The following NSUN7 variants were observed in gnomAD, a reference collection of about 807,000 sequenced individuals.
The protein encoded by NSUN7 is protein NSUN7.
Under a neutral mutation model 58.5 loss-of-function variants are expected in NSUN7, and 39 were observed. The observed-to-expected ratio is 0.67, with a 90% CI of 0.52 to 0.87. The LOEUF is 0.87. Ranked by LOEUF, NSUN7 falls within the 40% of genes least tolerant of loss-of-function variation. NSUN7 has a pLI of 0.00. For synonymous variants in NSUN7, 278 were observed against 303.7 expected (o/e 0.92, Z 0.88); for missense variants, 765 against 844.1 (o/e 0.91, Z 1.16).
At chr4:40,777,484 C>T (rs545075397) in intron 7 of NSUN7, among the ~76,000 whole-genome samples, 13 of 152,216 alleles carry the variant, frequency 8.5e-5, no homozygotes, top group African/African-American at 2.2e-4. Context: ...CAGGTACTCG[C>T]CAACATGCCC....
rs114884028 is a variant in NSUN7, at chr4:40,769,376, G to A, written c.489-4889G>A. Reference sequence around the variant, plus strand: ...AACTGGCCAAAATATATCATAGGACGTAAAGGTTTTGGACATTAGACAAGA... The same window carrying A: ...AACTGGCCAAAATATATCATAGGACATAAAGGTTTTGGACATTAGACAAGA... On this transcript the variant is annotated intron_variant, in intron 4 of 11. Transcript: ENST00000381782. Among the ~76,000 whole-genome samples, 996 of 152,330 alleles carry A rather than the reference G, an allele frequency of 6.5e-3. 4 individuals carry two copies. The highest frequency in any genetic ancestry group is 0.01 in the Non-Finnish European group (682 of 68,030).
intron 4 of NSUN7, chr4:40,772,932 T>G (rs1357564311): frequency 2.0e-5 from 3 of 152,170 alleles, no homozygotes; most frequent in Admixed American, 6.5e-5. Context: ...TGAATATGGG[T>G]CAGGAATAAG....
intron 9 of NSUN7, among the ~76,000 whole-genome samples, chr4:40,797,360 A>G (rs781690882): frequency 1.3e-5 from 2 of 152,038 alleles, no homozygotes; most frequent in African/African-American, 4.8e-5. Flanking sequence ...CTCTAAGCTT[A>G]TATTTCCAGC....
At chr4:40,791,372 C>T (rs900257269) in intron 8 of NSUN7, among the ~76,000 whole-genome samples, 9 of 152,030 alleles carry the variant, frequency 5.9e-5, no homozygotes, top group African/African-American at 1.4e-4. Flanking sequence ...AGGCCCTGGG[C>T]GTGGCACTTT....
chr4:40,761,404 T>C, intron 4 of NSUN7, 103 bp downstream of exon 4: 3 of 867,634 alleles, frequency 3.5e-6, no homozygotes, highest in Non-Finnish European at 5.2e-6. Context: ...TTAAATTTTA[T>C]AGGGAAAAAT....
At chr4:40,804,267 CCG>C (rs1743724957) in intron 10 of NSUN7, among the ~76,000 whole-genome samples, 1 of 151,934 alleles carries the variant, frequency 6.6e-6, no homozygotes, top group Non-Finnish European at 1.5e-5. Flanking sequence ...TGGCAAAACC[CCG>C]TCTCTACTAA....
At chr4:40,778,611 G>A (rs1213573020) in intron 7 of NSUN7, among the ~76,000 whole-genome samples, 1 of 152,132 alleles carries the variant, frequency 6.6e-6, no homozygotes, top group South Asian at 2.1e-4. Flanking sequence ...CTGGTGCCTT[G>A]ATCTTCAACT....
chr4:40,771,646 T>G (rs1742014612), intron 4 of NSUN7, among the ~76,000 whole-genome samples: 1 of 151,500 alleles, frequency 6.6e-6, no homozygotes, highest in Non-Finnish European at 1.5e-5. Context: ...TCCTAGAATA[T>G]CCTCATAAGG....
intron 10 of NSUN7, among the ~76,000 whole-genome samples, chr4:40,803,084 A>T: frequency 6.6e-6 from 1 of 151,114 alleles, no homozygotes; most frequent in Non-Finnish European, 1.5e-5. Flanking sequence ...ATGATTTCCA[A>T]TTTCATCCAT....
intron 2 of NSUN7, among the ~76,000 whole-genome samples, chr4:40,752,083 A>G (rs1390659156): frequency 1.3e-5 from 2 of 152,354 alleles, no homozygotes; most frequent in East Asian, 3.9e-4. Flanking sequence ...AGCTGTGACT[A>G]AAAACTTTAT....
intron 10 of NSUN7, among the ~76,000 whole-genome samples, chr4:40,799,496 TAA>T (rs200893138): frequency 5.6e-4 from 80 of 142,832 alleles, no homozygotes; most frequent in Admixed American, 9.7e-4. Flanking sequence ...CCTGTGTGTT[TAA>T]AAAAAAAAAA....
At chr4:40,799,073 C>CTTTTTGT (rs1553919775) in intron 10 of NSUN7, among the ~76,000 whole-genome samples, 169 bp downstream of exon 10, 1,290 of 76,258 alleles carry the variant, frequency 0.017, 279 homozygotes, top group African/African-American at 0.032. Context: ...GGGCCTTTTT[C>CTTTTTGT]TTTTTTTTTT....
In NSUN7 at chr4:40,807,219, T is replaced by C. The variant is rs953285692; in HGVS notation, c.1524+35T>C. 33 of 1,527,758 alleles carry C rather than the reference T, an allele frequency of 2.2e-5. No individual in the cohort carries two copies. In the African/African-American group the frequency reaches 4.5e-4, roughly 21 times the overall value. The allele number at this position is 1,527,758 out of a possible 1,614,324, so 94.6% of individuals were successfully genotyped here. On this transcript the variant is annotated intron_variant, in intron 11 of 11. Transcript: ENST00000381782. ...AAAAATCCTAATCCATGTCATACTT[T>C]GGAATTAATAAACTACAAAGCCTCA...
At position 40,750,954 on chromosome 4, in the gene NSUN7, G is replaced by A. The variant is rs548206743; in HGVS notation, c.261G>A (p.Gln87=). 7.4e-6 allele frequency: 12 copies of A among 1,614,174 alleles called. No homozygotes were observed. The South Asian group carries it at 1.2e-4, about 16-fold the overall frequency. Residue 87 remains glutamine, a synonymous_variant, in exon 2 of 12, where the codon CAG becomes CAA. Coordinates refer to ENST00000381782, the MANE Select transcript of NSUN7 (RefSeq NM_024677.6). ...SLSESEDQSF[Q]RLSYELAFSA... is the part of the protein sequence containing the mutation. ...CCGAGTCTGAGGATCAGTCCTTTCAGCGTTTGTCTTATGAGCTGGCTTTCA... is the reference window on the plus strand; with the variant it reads ...CCGAGTCTGAGGATCAGTCCTTTCAACGTTTGTCTTATGAGCTGGCTTTCA...
chr4:40,764,963 G>T (rs1372394940), intron 4 of NSUN7, among the ~76,000 whole-genome samples: 5 of 150,232 alleles, frequency 3.3e-5, no homozygotes, highest in African/African-American at 1.2e-4. Flanking sequence ...TGAGTTCATT[G>T]TAGATTCTGG....
intron 7 of NSUN7, among the ~76,000 whole-genome samples, chr4:40,785,736 G>T (rs2953324): frequency 0.83 from 125,937 of 152,278 alleles, 52,625 homozygotes; most frequent in African/African-American, 0.93. Context: ...GAGAATATTT[G>T]GAACTTAACG....
At position 40,775,476 on chromosome 4, in the gene NSUN7, A is replaced by C. The variant is rs1742220745; in HGVS notation, c.825+526A>C. The C allele has an allele frequency of 6.6e-6, 1 of 152,564 alleles. No individual in the cohort carries two copies. The highest frequency in any genetic ancestry group is 1.5e-5 in the Non-Finnish European group (1 of 68,334). 9.5% of individuals were successfully genotyped at this position (152,564 alleles called of 1,614,324 possible). On this transcript the variant is annotated intron_variant, in intron 6 of 11. Coordinates refer to ENST00000381782, the MANE Select transcript of NSUN7 (RefSeq NM_024677.6). This position sits in a 1 kb window ranked among gnomAD's most constrained non-coding sequence, Gnocchi z 4.3. ...AGGTATAAAAAAGTAGTTTAAATTC[A>C]TTTTTACATCCTTAGATTCCAATTA...
intron 7 of NSUN7, among the ~76,000 whole-genome samples, chr4:40,783,590 G>A (rs1280440931): frequency 3.3e-5 from 5 of 152,202 alleles, no homozygotes; most frequent in Non-Finnish European, 1.5e-5. Context: ...GCTCATGCCT[G>A]TAATCTCAGC....
At chr4:40,763,708 A>G (rs1283589163) in intron 4 of NSUN7, among the ~76,000 whole-genome samples, 1 of 152,214 alleles carries the variant, frequency 6.6e-6, no homozygotes, top group African/African-American at 2.4e-5. Context: ...ATTAATGTCT[A>G]AGGATTCCTG....
Sources: gnomAD v4.1 joint callset for allele counts (sites outside exome capture counted in the v4.1 genomes callset) on GRCh38, gnomAD v4.1.1 for gene constraint, Gnocchi (gnomAD v3.1) non-coding constraint, MANE v1.5 for transcripts, NCBI Gene and HGNC (gene_info 2026-07-23, HGNC 2026-07-21) for gene names.